EXOC3L2: variants seen among roughly 807,000 people sequenced by gnomAD.
EXOC3L2 encodes the protein exocyst complex component 3-like protein 2.
In EXOC3L2, 17 loss-of-function variants were observed where a neutral mutation model predicts 44.4. The ratio of observed to expected loss-of-function variants is 0.38; its 90% CI spans 0.26 to 0.57. The LOEUF is 0.57. Among genes scored for constraint, EXOC3L2 ranks in the 20% least tolerant of loss-of-function variants. The pLI is 0.65. For missense variants in EXOC3L2, 541 were observed against 588.4 expected (o/e 0.92, Z 0.83); for synonymous variants, 256 against 253.7 (o/e 1.01, Z -0.09).
At chr19:45,223,226 A>G (rs1424193429) in intron 8 of EXOC3L2, among the ~76,000 whole-genome samples, 1 of 152,188 alleles carries the variant, frequency 6.6e-6, no homozygotes. Flanking sequence ...CGTCTCTACT[A>G]AAAATACAAA....
At chr19:45,236,718 C>A (rs573625685) in intron 2 of EXOC3L2, among the ~76,000 whole-genome samples, 2 of 151,962 alleles carry the variant, frequency 1.3e-5, no homozygotes, top group East Asian at 3.9e-4. Context: ...GGTTGATGGC[C>A]AGGTGCGGTG....
At chr19:45,223,447 AT>A (rs1969920025) in intron 8 of EXOC3L2, among the ~76,000 whole-genome samples, 1 of 151,912 alleles carries the variant, frequency 6.6e-6, no homozygotes, top group South Asian at 2.1e-4. Flanking sequence ...GGTACAGGCA[AT>A]TCTCCTGCCT....
intron 8 of EXOC3L2, among the ~76,000 whole-genome samples, chr19:45,224,083 G>A (rs1263218806): frequency 1.3e-5 from 2 of 152,104 alleles, no homozygotes; most frequent in South Asian, 2.1e-4. Flanking sequence ...CAAGTGCAAA[G>A]GCCCTGAGGC....
Position 45,229,922 on chromosome 19 carries a change from TTA to T in EXOC3L2, c.1270-1658_1270-1657del, listed in dbSNP as rs151020037. On this transcript the variant is annotated intron_variant, in intron 4 of 11. Transcript: ENST00000413988. ...TGTATATTATTTATAATATACACAT[TTA>T]TATGTTAATATGTATACACAAATAA... Among the ~76,000 whole-genome samples the T allele has an allele frequency of 7.8e-3, 1,167 of 148,970 alleles. 15 individuals are homozygous for T. Among genetic ancestry groups the T allele is most frequent in the African/African-American group, 0.027 (1,096 of 40,948 alleles).
chr19:45,241,200 C>T (rs184990367), intron 1 of EXOC3L2, among the ~76,000 whole-genome samples: 15 of 152,162 alleles, frequency 9.9e-5, no homozygotes, highest in Admixed American at 9.8e-4. Flanking sequence ...CTTGAAAAAG[C>T]GCAAACCAGG....
At chr19:45,232,384 C>G (rs539120539) in intron 3 of EXOC3L2, among the ~76,000 whole-genome samples, 7 of 152,282 alleles carry the variant, frequency 4.6e-5, no homozygotes, top group African/African-American at 1.7e-4. Flanking sequence ...CCAGTTCCCA[C>G]CACTTTAGGA....
chr19:45,234,849 C>A lies in EXOC3L2; in HGVS notation c.524-23G>T. 1 of 390,892 alleles carries A rather than the reference C, an allele frequency of 2.6e-6. No homozygotes were observed. The highest frequency in any genetic ancestry group is 1.3e-4 in the South Asian group (1 of 7,734). 24.2% of individuals were successfully genotyped at this position (390,892 alleles called of 1,614,324 possible). On this transcript the variant is annotated intron_variant, in intron 2 of 11. Transcript: ENST00000413988. The surrounding 1 kb of genome is among the most constrained non-coding windows in gnomAD (Gnocchi z 5.0). ...GCACTGCGGGAGCAAAGCGGGAGGTCAGCAGTGCGCGGGGGGGAGGAGGGC... is the reference window on the plus strand; with the variant it reads ...GCACTGCGGGAGCAAAGCGGGAGGTAAGCAGTGCGCGGGGGGGAGGAGGGC...
At chr19:45,240,102 AT>A (rs34966417) in intron 1 of EXOC3L2, among the ~76,000 whole-genome samples, 4,749 of 125,944 alleles carry the variant, frequency 0.038, 143 homozygotes, top group East Asian at 0.2. Flanking sequence ...GCAAAGCCTA[AT>A]TTTTTTTTTT....
chr19:45,227,729 G>A lies in EXOC3L2; in HGVS notation c.1516C>T (p.Arg506Trp), dbSNP rs894361117. The A allele has an allele frequency of 1.3e-5, 21 of 1,613,042 alleles. No individual in the cohort carries two copies. Among genetic ancestry groups the A allele is most frequent in the East Asian group, 1.1e-4 (5 of 44,858 alleles). ...VERFHENPAV[R>W]EMLPDTYISK... is the part of the protein sequence containing the mutation. ...ATATAGGTGTCAGGTAGCATCTCCC[G>A]GACTGCTGGGTTCTCATGGAATCGC... Residue 506 changes from arginine to tryptophan, a missense_variant, in exon 7 of 12, where the codon CGG becomes TGG. Physicochemically the swap from Arg to Trp is moderately radical, Grantham distance 101. Transcript: ENST00000413988.
intron 1 of EXOC3L2, among the ~76,000 whole-genome samples, chr19:45,240,197 TG>T (rs1288553086): frequency 1.3e-5 from 2 of 150,512 alleles, no homozygotes; most frequent in Non-Finnish European, 2.9e-5. Flanking sequence ...CTGAAACTCC[TG>T]GGCTCAAATG....
intron 8 of EXOC3L2, among the ~76,000 whole-genome samples, chr19:45,223,200 C>T (rs10421938): frequency 0.087 from 13,288 of 151,954 alleles, 792 homozygotes; most frequent in African/African-American, 0.16. Context: ...CCATCCTGGC[C>T]GACATGGTGA....
chr19:45,218,324 C>A lies in EXOC3L2; in HGVS notation c.1720-5G>T. The A allele has an allele frequency of 6.3e-7, 1 of 1,598,616 alleles. No individual in the cohort carries two copies. The highest frequency in any genetic ancestry group is 8.5e-7 in the Non-Finnish European group (1 of 1,172,220). ...CATCAGCTTGTTGAAGTGTGGCTGG[C>A]AGGGACAGAGTAGGGGGTCACGCTC... On this transcript the variant is annotated splice_region_variant and splice_polypyrimidine_tract_variant and intron_variant, in intron 8 of 11. Transcript: ENST00000413988.
chr19:45,243,992 C>G (rs1475713601), intron 1 of EXOC3L2, among the ~76,000 whole-genome samples: 1 of 151,988 alleles, frequency 6.6e-6, no homozygotes, highest in Non-Finnish European at 1.5e-5. Flanking sequence ...GGCATGGTCT[C>G]GGCTCACTGC....
chr19:45,238,913 A>T lies in EXOC3L2; in HGVS notation c.133T>A (p.Ser45Thr), dbSNP rs1970107467. Reference protein sequence around the residue: ...LEEEEAGELGSLPNGTSCRRR... With the variant: ...LEEEEAGELGTLPNGTSCRRR... ...CGACAAGATGTTCCATTGGGGAGGG[A>T]CCCCAGCTCCCCGGCCTCTTCTTCC... Residue 45 changes from serine to threonine, a missense_variant, in exon 2 of 12, where the codon TCC (serine) becomes ACC (threonine). Physicochemically the swap from Ser to Thr is moderately conservative, Grantham distance 58. Transcript: ENST00000413988. This position sits in a 1 kb window ranked among gnomAD's most constrained non-coding sequence, Gnocchi z 5.5. 2 of 398,762 alleles carry T rather than the reference A, an allele frequency of 5.0e-6. No homozygotes were observed. Among genetic ancestry groups the T allele is most frequent in the South Asian group, 1.3e-4 (1 of 7,852 alleles). The allele number at this position is 398,762 out of a possible 1,614,324, so 24.7% of individuals were successfully genotyped here. A position where few individuals can be genotyped will look rare whatever the true frequency, so the allele number is the denominator to read the frequency against.
chr19:45,216,305 G>C, intron 10 of EXOC3L2, 111 bp from the exon 11 acceptor site: 7 of 1,424,642 alleles, frequency 4.9e-6, no homozygotes, highest in Non-Finnish European at 5.6e-6. Context: ...ACCAGGGGTG[G>C]TGGCTCAAGC....
intron 3 of EXOC3L2, among the ~76,000 whole-genome samples, chr19:45,233,587 T>C (rs934390532): frequency 3.9e-5 from 6 of 152,014 alleles, no homozygotes; most frequent in Admixed American, 3.9e-4. Context: ...CTTGGACTGG[T>C]GGGCCCACCG....
chr19:45,237,708 A>AG (rs1970095980), intron 2 of EXOC3L2, among the ~76,000 whole-genome samples: 1 of 151,966 alleles, frequency 6.6e-6, no homozygotes, highest in Middle Eastern at 3.2e-3. Context: ...ACGTCCCCCC[A>AG]GAAAAAAAAA....
chr19:45,228,321 T>G, intron 4 of EXOC3L2, 55 bp from the exon 5 acceptor site: 1 of 1,489,774 alleles, frequency 6.7e-7, no homozygotes, highest in Non-Finnish European at 9.3e-7. Flanking sequence ...GGAGGTCTTT[T>G]TTTTTATCTC....
Position 45,224,773 on chromosome 19 carries a change from C to T in EXOC3L2, c.1719+5G>A. 1.9e-6 allele frequency: 3 copies of T among 1,551,248 alleles called. No homozygotes were observed. The highest frequency in any genetic ancestry group is 2.6e-6 in the Non-Finnish European group (3 of 1,146,872). The stretch of plus-strand genomic sequence containing the variant: ...GCCCCAACCCTGGCCTCCCACCTCA[C>T]TCACCTGCAGCTCCTGGAACAGCAG... On this transcript the variant is annotated splice_donor_5th_base_variant and intron_variant, in intron 8 of 11. Coordinates refer to ENST00000413988, the MANE Select transcript of EXOC3L2 (RefSeq NM_001382422.1).
Sources: gnomAD v4.1 joint callset for allele counts (sites outside exome capture counted in the v4.1 genomes callset) on GRCh38, gnomAD v4.1.1 for gene constraint, Gnocchi (gnomAD v3.1) non-coding constraint, MANE v1.5 for transcripts, NCBI Gene and HGNC (gene_info 2026-07-23, HGNC 2026-07-21) for gene names.